The following VMP1 variants were observed in gnomAD, a reference collection of about 807,000 sequenced individuals.
VMP1 encodes the protein vacuole membrane protein 1.
In VMP1, 11 loss-of-function variants were observed where a neutral mutation model predicts 56.0. That is an observed-to-expected ratio of 0.20 (90% CI 0.12 to 0.32). VMP1 has a LOEUF of 0.32. Ranked by LOEUF, VMP1 falls within the 10% of genes least tolerant of loss-of-function variation. The probability of loss-of-function intolerance (pLI) is 1.00; values close to 1 mark genes in which losing one functional copy is unlikely to be tolerated. For synonymous variants in VMP1, 149 were observed against 165.0 expected (o/e 0.90, Z 0.74); for missense variants, 296 against 490.3 (o/e 0.60, Z 3.74).
intron 7 of VMP1, among the ~76,000 whole-genome samples, chr17:59,779,639 A>G (rs1173099484): frequency 6.6e-6 from 1 of 152,210 alleles, no homozygotes; most frequent in East Asian, 1.9e-4. Flanking sequence ...TAGAACAAAG[A>G]GTATTCCAGT....
chr17:59,821,057 G>A (rs1186386220), intron 10 of VMP1, among the ~76,000 whole-genome samples: 7 of 149,414 alleles, frequency 4.7e-5, no homozygotes, highest in Non-Finnish European at 1.0e-4. Flanking sequence ...TGGAAGCTCC[G>A]CCTCCTGGGT....
intron 5 of VMP1, among the ~76,000 whole-genome samples, chr17:59,749,009 G>C (rs1215874613): frequency 6.6e-6 from 1 of 151,286 alleles, no homozygotes; most frequent in Non-Finnish European, 1.5e-5. Context: ...GAGTGCAGTG[G>C]TGCGATCTCG....
chr17:59,824,872 CA>C (rs1204824277), intron 10 of VMP1, among the ~76,000 whole-genome samples: 291 of 62,996 alleles, frequency 4.6e-3, no homozygotes, highest in African/African-American at 0.014. Context: ...GACTCCGTCT[CA>C]AAAAAAAAAA....
chr17:59,836,560 G>A (rs1370687254), intron 10 of VMP1, among the ~76,000 whole-genome samples: 1 of 151,754 alleles, frequency 6.6e-6, no homozygotes, highest in African/African-American at 2.4e-5. Flanking sequence ...CAATTCCTTC[G>A]GTATATATCT....
At chr17:59,748,249 A>G (rs2035510191) in intron 5 of VMP1, among the ~76,000 whole-genome samples, 1 of 151,936 alleles carries the variant, frequency 6.6e-6, no homozygotes, top group African/African-American at 2.4e-5. Context: ...ACATATTTAC[A>G]TGGAGGACAT....
At chr17:59,792,029 T>C (rs1460286343) in intron 7 of VMP1, among the ~76,000 whole-genome samples, 7 of 152,138 alleles carry the variant, frequency 4.6e-5, no homozygotes, top group Admixed American at 2.6e-4. Context: ...CCCAGCATTT[T>C]GGGATACTGA....
At chr17:59,737,325 T>C in intron 3 of VMP1, 128 bp from the exon 4 acceptor site, 1 of 757,988 alleles carries the variant, frequency 1.3e-6, no homozygotes, top group Non-Finnish European at 2.0e-6. Context: ...GAGGCCATGA[T>C]GTGTAAGGAA....
intron 9 of VMP1, among the ~76,000 whole-genome samples, chr17:59,815,066 A>T (rs967730380): frequency 6.6e-6 from 1 of 152,094 alleles, no homozygotes; most frequent in African/African-American, 2.4e-5. Flanking sequence ...CTTTTTCCTC[A>T]GCTTAAAATT....
In VMP1 at chr17:59,738,733, C is replaced by T. The variant is rs1278087033; in HGVS notation, c.304-104C>T. The T allele has an allele frequency of 8.5e-6, 7 of 825,634 alleles. No homozygotes were observed. In the Admixed American group the frequency reaches 1.0e-4, roughly 12 times the overall value. 51.1% of individuals were successfully genotyped at this position (825,634 alleles called of 1,614,324 possible). A position where few individuals can be genotyped will look rare whatever the true frequency, so the allele number is the denominator to read the frequency against. ...GGGTTTTTAATCTTATTAGTTTTTT[C>T]CTATTTGAAACTTACTTTAGTTGAT... On this transcript the variant is annotated intron_variant, in intron 4 of 11. Transcript: ENST00000262291.
intron 5 of VMP1, among the ~76,000 whole-genome samples, chr17:59,753,032 AG>A (rs1356563529): frequency 2.0e-5 from 3 of 152,148 alleles, no homozygotes; most frequent in Non-Finnish European, 4.4e-5. Flanking sequence ...GCACTTTGGG[AG>A]GCCAAGGCAG....
At chr17:59,830,852 C>G (rs903797410) in intron 10 of VMP1, among the ~76,000 whole-genome samples, 2 of 152,190 alleles carry the variant, frequency 1.3e-5, no homozygotes, top group African/African-American at 4.8e-5. Flanking sequence ...GAAACAGGTT[C>G]TCCCTCTGTA....
intron 5 of VMP1, among the ~76,000 whole-genome samples, chr17:59,748,892 T>TA (rs34734751): frequency 0.11 from 8,766 of 79,036 alleles, 344 homozygotes; most frequent in Non-Finnish European, 0.12. Flanking sequence ...TTATTATTAT[T>TA]TATTTTTTTT....
chr17:59,775,188 C>T (rs1048334743), intron 7 of VMP1, among the ~76,000 whole-genome samples: 2 of 152,204 alleles, frequency 1.3e-5, no homozygotes, highest in African/African-American at 4.8e-5. Context: ...TCGCAATCCA[C>T]CCGCCTTGGC....
chr17:59,783,796 A>T (rs1309681459), intron 7 of VMP1, among the ~76,000 whole-genome samples: 1 of 151,990 alleles, frequency 6.6e-6, no homozygotes, highest in Non-Finnish European at 1.5e-5. Flanking sequence ...ACCCTTACCT[A>T]AATATTGCCA....
chr17:59,841,644 T>C lies in VMP1; in HGVS notation c.*1733T>C, dbSNP rs1158047038. Reference sequence around the variant, plus strand: ...GTTACTTGACCTTCTTTGAAAAGCATTCCCAAAATGCTCTATTTTAGATAG... The same window carrying C: ...GTTACTTGACCTTCTTTGAAAAGCACTCCCAAAATGCTCTATTTTAGATAG... On this transcript the variant is annotated 3_prime_UTR_variant, in exon 12 of 12. Transcript: ENST00000262291. 6.2e-6 allele frequency: 1 copy of C among 160,058 alleles called. No homozygotes were observed. Among genetic ancestry groups the C allele is most frequent in the Non-Finnish European group, 1.4e-5 (1 of 72,024 alleles). The allele number at this position is 160,058 out of a possible 1,614,324, so 9.9% of individuals were successfully genotyped here.
At chr17:59,739,501 G>C (rs955794741) in intron 5 of VMP1, among the ~76,000 whole-genome samples, 1 of 151,964 alleles carries the variant, frequency 6.6e-6, no homozygotes, top group Non-Finnish European at 1.5e-5. Flanking sequence ...AAGGCGGGCA[G>C]ATCATGAGGT....
At chr17:59,718,387 G>A (rs1450316632) in intron 1 of VMP1, among the ~76,000 whole-genome samples, 2 of 151,076 alleles carry the variant, frequency 1.3e-5, no homozygotes, top group Non-Finnish European at 2.9e-5. Flanking sequence ...TAGTAGAGAT[G>A]GGGTTTCACC....
intron 2 of VMP1, among the ~76,000 whole-genome samples, chr17:59,732,037 G>A (rs889803568): frequency 1.3e-5 from 2 of 152,022 alleles, no homozygotes; most frequent in Non-Finnish European, 2.9e-5. Context: ...TAATATGGAT[G>A]ATTTAAGTAG....
intron 3 of VMP1, among the ~76,000 whole-genome samples, chr17:59,736,428 T>C (rs1342341089): frequency 6.9e-6 from 1 of 145,574 alleles, no homozygotes. Flanking sequence ...TAGCCGGTCG[T>C]GGTAGTGCAT....
Sources: gnomAD v4.1 joint callset for allele counts (sites outside exome capture counted in the v4.1 genomes callset) on GRCh38, gnomAD v4.1.1 for gene constraint, MANE v1.5 for transcripts, NCBI Gene and HGNC (gene_info 2026-07-23, HGNC 2026-07-21) for gene names.